The following ADCK1 variants were observed in gnomAD, a reference collection of about 807,000 sequenced individuals.
ADCK1 encodes the protein aarF domain-containing protein kinase 1.
A neutral mutation model predicts 52.3 loss-of-function variants in ADCK1; 41 were observed. That is an observed-to-expected ratio of 0.78 (90% confidence interval 0.61 to 1.02). ADCK1 has a LOEUF of 1.02. Among genes scored for constraint, ADCK1 ranks in the 50% least tolerant of loss-of-function variants. ADCK1 has a pLI of 0.00. For synonymous variants in ADCK1, 250 were observed against 274.6 expected (o/e 0.91, Z 0.89); for missense variants, 658 against 679.5 (o/e 0.97, Z 0.35).
At chr14:77,851,577 G>C (rs1327505964) in intron 3 of ADCK1, among the ~76,000 whole-genome samples, 1 of 151,980 alleles carries the variant, frequency 6.6e-6, no homozygotes, top group East Asian at 1.9e-4. Context: ...CCTTCTTTTG[G>C]ATTGGGTATT....
chr14:77,816,008 T>C (rs1275299140), intron 1 of ADCK1, among the ~76,000 whole-genome samples: 1 of 152,058 alleles, frequency 6.6e-6, no homozygotes, highest in Non-Finnish European at 1.5e-5. Context: ...GGTTTCACCA[T>C]GTTGGCCAGG....
chr14:77,810,509 C>G (rs910865755), intron 1 of ADCK1, among the ~76,000 whole-genome samples: 1 of 151,186 alleles, frequency 6.6e-6, no homozygotes, highest in Non-Finnish European at 1.5e-5. Context: ...GTGACTTACT[C>G]AAGGTGTTCA....
intron 1 of ADCK1, among the ~76,000 whole-genome samples, chr14:77,814,809 C>T (rs1272581798): frequency 6.6e-6 from 1 of 151,602 alleles, no homozygotes; most frequent in African/African-American, 2.4e-5. Context: ...AATCTTACCC[C>T]TAGAGTTGGT....
chr14:77,867,974 G>A (rs3783966), intron 4 of ADCK1, among the ~76,000 whole-genome samples: 55,473 of 152,122 alleles, frequency 0.36, 11,264 homozygotes, highest in Admixed American at 0.5. Flanking sequence ...TGCTTGTTAC[G>A]TGTCGAGTTG....
At chr14:77,929,191 T>C (rs1428271439) in intron 9 of ADCK1, among the ~76,000 whole-genome samples, 3 of 152,182 alleles carry the variant, frequency 2.0e-5, no homozygotes, top group Non-Finnish European at 4.4e-5. Flanking sequence ...TAGGGGAACC[T>C]CCAACATTGT....
intron 4 of ADCK1, among the ~76,000 whole-genome samples, chr14:77,864,205 C>T (rs772010736): frequency 3.3e-5 from 5 of 152,090 alleles, no homozygotes; most frequent in Non-Finnish European, 7.4e-5. Flanking sequence ...TGCAGGGGTA[C>T]CGTTGTGCAA....
intron 4 of ADCK1, among the ~76,000 whole-genome samples, chr14:77,872,565 A>C (rs889486195): frequency 8.6e-5 from 13 of 150,462 alleles, no homozygotes; most frequent in African/African-American, 2.7e-4. Flanking sequence ...CTGTGCTCTC[A>C]GATGGGGGGC....
intron 6 of ADCK1, among the ~76,000 whole-genome samples, chr14:77,902,930 A>C (rs543243888): frequency 9.8e-5 from 15 of 152,300 alleles, no homozygotes; most frequent in Non-Finnish European, 1.5e-4. Context: ...AGATTTTCTG[A>C]CTTCAAGTGT....
intron 1 of ADCK1, among the ~76,000 whole-genome samples, chr14:77,807,834 G>C (rs951430654): frequency 6.6e-6 from 1 of 151,930 alleles, no homozygotes; most frequent in Non-Finnish European, 1.5e-5. Flanking sequence ...GTAGAGATGA[G>C]GTTTTCCCAT....
intron 3 of ADCK1, among the ~76,000 whole-genome samples, chr14:77,857,101 A>T (rs751738275): frequency 2.2e-4 from 33 of 151,570 alleles, no homozygotes; most frequent in Non-Finnish European, 4.7e-4. Context: ...AGGTGGGCGG[A>T]TGGGCCCTCT....
chr14:77,872,066 A>C (rs1011215789), intron 4 of ADCK1, among the ~76,000 whole-genome samples: 1 of 152,228 alleles, frequency 6.6e-6, no homozygotes. Flanking sequence ...CAGGGCAGGC[A>C]GATGAGGAAA....
intron 4 of ADCK1, among the ~76,000 whole-genome samples, chr14:77,871,544 G>A (rs2082778572): frequency 6.6e-6 from 1 of 152,124 alleles, no homozygotes; most frequent in Non-Finnish European, 1.5e-5. Flanking sequence ...TTTTAGTAGA[G>A]ACAGGGTTTC....
At chr14:77,864,400 C>T (rs567613311) in intron 4 of ADCK1, among the ~76,000 whole-genome samples, 8 of 152,240 alleles carry the variant, frequency 5.3e-5, no homozygotes, top group South Asian at 4.1e-4. Flanking sequence ...GCACTGTAGG[C>T]GCAAGGACCA....
chr14:77,849,683 C>T (rs1340470561), intron 3 of ADCK1, among the ~76,000 whole-genome samples: 1 of 152,012 alleles, frequency 6.6e-6, no homozygotes, highest in Non-Finnish European at 1.5e-5. Flanking sequence ...AACTCCTGGC[C>T]TCAGGTGATC....
intron 3 of ADCK1, chr14:77,827,974 G>A (rs2081754262): frequency 3.1e-6 from 1 of 319,820 alleles, no homozygotes; most frequent in Non-Finnish European, 6.0e-6. Context: ...GACTACAGGT[G>A]AGTGCCACCA....
chr14:77,838,678 G>T (rs991689841), intron 3 of ADCK1, among the ~76,000 whole-genome samples: 1 of 152,168 alleles, frequency 6.6e-6, no homozygotes, highest in African/African-American at 2.4e-5. Context: ...GATTACACTC[G>T]TGAGCCACTG....
At chr14:77,852,704 T>TATATATATATA (rs2082325559) in intron 3 of ADCK1, among the ~76,000 whole-genome samples, 28 of 120,488 alleles carry the variant, frequency 2.3e-4, no homozygotes, top group African/African-American at 6.6e-4. Context: ...TATATATATA[T>TATATATATATA]TTCACTCCTC....
At chr14:77,915,460 C>T (rs867709831) in intron 7 of ADCK1, among the ~76,000 whole-genome samples, 7 of 151,664 alleles carry the variant, frequency 4.6e-5, no homozygotes, top group African/African-American at 1.5e-4. Context: ...CACATGCACA[C>T]GTATGTTTAT....
Position 77,852,665 on chromosome 14 carries a change from ATATATATATATATATAT to A in ADCK1, c.220-6410_220-6394del, listed in dbSNP as rs2082314263. ...ATTATTTCTTTAAATAAATAAATAT[ATATATATATATATATAT>A]ATATATATATATATATATATATTTC... On this transcript the variant is annotated intron_variant, in intron 3 of 10. Transcript: ENST00000238561. 3.2e-4 allele frequency among the ~76,000 whole-genome samples: 28 copies of A among 88,866 alleles called. 1 individual carries two copies. Among genetic ancestry groups the A allele is most frequent in the Non-Finnish European group, 4.0e-4 (20 of 49,426 alleles). The allele number at this position is 88,866 out of a possible 152,430, so 58.3% of individuals were successfully genotyped here.
Sources: gnomAD v4.1 joint callset for allele counts (sites outside exome capture counted in the v4.1 genomes callset) on GRCh38, gnomAD v4.1.1 for gene constraint, MANE v1.5 for transcripts, NCBI Gene and HGNC (gene_info 2026-07-23, HGNC 2026-07-21) for gene names.